ABCC12: variants seen among roughly 807,000 people sequenced by gnomAD.
ABCC12 encodes the protein ATP binding cassette subfamily C member 12, also known as ATP-binding cassette sub-family C member 12.
A neutral mutation model predicts 151.1 loss-of-function variants in ABCC12; 142 were observed. The ratio of observed to expected loss-of-function variants is 0.94; its 90% CI spans 0.82 to 1.08. The LOEUF (loss-of-function observed/expected upper bound fraction) is 1.08, where lower values mean the gene tolerates loss of function less well. Among genes scored for constraint, ABCC12 ranks in the 50% least tolerant of loss-of-function variants. ABCC12 has a pLI of 0.00. For missense variants in ABCC12, 1,638 were observed against 1,691.1 expected, an observed-to-expected ratio of 0.97 and a Z score of 0.55; for synonymous variants, 645 against 646.4, an observed-to-expected ratio of 1.00 and a Z score of 0.03.
chr16:48,098,957 G>A (rs1342166569), intron 23 of ABCC12, among the ~76,000 whole-genome samples: 1 of 152,198 alleles, frequency 6.6e-6, no homozygotes, highest in Non-Finnish European at 1.5e-5. Flanking sequence ...GACTTTGGAA[G>A]TGTCTATGTG....
intron 6 of ABCC12, among the ~76,000 whole-genome samples, chr16:48,140,453 C>T (rs75119838): frequency 0.018 from 2,762 of 152,212 alleles, 79 homozygotes; most frequent in African/African-American, 0.063. Flanking sequence ...GCCCTGTTCC[C>T]GCTGGAACTA....
intron 9 of ABCC12, among the ~76,000 whole-genome samples, chr16:48,132,187 A>C (rs1344921484): frequency 6.6e-6 from 1 of 152,244 alleles, no homozygotes; most frequent in African/African-American, 2.4e-5. Context: ...CTGGGATCAC[A>C]GAGAGCCACA....
At chr16:48,101,592 G>C (rs1160516937) in intron 22 of ABCC12, among the ~76,000 whole-genome samples, 1 of 152,040 alleles carries the variant, frequency 6.6e-6, no homozygotes, top group Non-Finnish European at 1.5e-5. Context: ...GCCCCCGAGA[G>C]AGAAGACAAT....
chr16:48,130,904 C>A lies in ABCC12; in HGVS notation c.1129-9G>T. The A allele has an allele frequency of 1.3e-6, 2 of 1,593,056 alleles. No individual in the cohort carries two copies. The highest frequency in any genetic ancestry group is 1.7e-6 in the Non-Finnish European group (2 of 1,162,148). On this transcript the variant is annotated splice_polypyrimidine_tract_variant and intron_variant, in intron 9 of 30. Coordinates refer to ENST00000311303, the MANE Select transcript of ABCC12 (RefSeq NM_001393797.1). ...GCAATCACACTAAATGCCTGAAGAA[C>A]AAAAGAGAAGTATGAGGGTTTAGAA...
At chr16:48,114,488 G>A (rs1316349793) in intron 15 of ABCC12, among the ~76,000 whole-genome samples, 1 of 152,132 alleles carries the variant, frequency 6.6e-6, no homozygotes, top group East Asian at 1.9e-4. Context: ...TATGTAACAT[G>A]TTCTCTGCAG....
At chr16:48,086,529 T>A in intron 28 of ABCC12, 1 of 538,232 alleles carries the variant, frequency 1.9e-6, no homozygotes, top group Non-Finnish European at 3.4e-6. Context: ...AGATGATACA[T>A]GTAGTGCTCT....
At chr16:48,124,542 C>T (rs975508918) in intron 11 of ABCC12, among the ~76,000 whole-genome samples, 2 of 152,214 alleles carry the variant, frequency 1.3e-5, no homozygotes, top group East Asian at 1.9e-4. Context: ...CTAGAAATCA[C>T]GTAAGATCAC....
intron 4 of ABCC12, 35 bp from the exon 5 acceptor site, chr16:48,141,388 GCA>G (rs1411471606): frequency 6.2e-7 from 1 of 1,612,190 alleles, no homozygotes; most frequent in Non-Finnish European, 8.5e-7. Flanking sequence ...AAATGGATTG[GCA>G]CTTCTATGTG....
chr16:48,139,047 G>T, intron 7 of ABCC12, 116 bp downstream of exon 7: 1 of 1,184,098 alleles, frequency 8.4e-7, no homozygotes, highest in Admixed American at 2.5e-5. Flanking sequence ...GTAAATCTGT[G>T]AGTACAAAAT....
chr16:48,146,578 G>A, intron 2 of ABCC12, 104 bp from the exon 3 acceptor site: 1 of 633,152 alleles, frequency 1.6e-6, no homozygotes, highest in East Asian at 2.7e-5. Flanking sequence ...TGACCCCTGA[G>A]AACTGTTTTC....
At chr16:48,150,929 TCTAAAAC>T (rs1965108376) in intron 2 of ABCC12, among the ~76,000 whole-genome samples, 1 of 152,182 alleles carries the variant, frequency 6.6e-6, no homozygotes, top group Non-Finnish European at 1.5e-5. Context: ...AAGCTCCAAT[TCTAAAAC>T]TGAGAAGCCT....
chr16:48,104,126 T>C lies in ABCC12; in HGVS notation c.2900+16A>G. The C allele has an allele frequency of 6.2e-7, 1 of 1,610,882 alleles. No homozygotes were observed. Among genetic ancestry groups the C allele is most frequent in the Non-Finnish European group, 8.5e-7 (1 of 1,178,482 alleles). On this transcript the variant is annotated intron_variant, in intron 22 of 30. Coordinates refer to ENST00000311303, the MANE Select transcript of ABCC12 (RefSeq NM_001393797.1). ...TGTGTGTATCGTTTTCTCGTGTAAATAGCACATGGGCCTACCGTAACAGAA... is the reference window on the plus strand; with the variant it reads ...TGTGTGTATCGTTTTCTCGTGTAAACAGCACATGGGCCTACCGTAACAGAA...
intron 2 of ABCC12, among the ~76,000 whole-genome samples, chr16:48,147,610 GC>G (rs1171670407): frequency 6.6e-6 from 1 of 152,110 alleles, no homozygotes; most frequent in African/African-American, 2.4e-5. Flanking sequence ...GGAAACAAAG[GC>G]CCAGAGAGAG....
intron 2 of ABCC12, among the ~76,000 whole-genome samples, chr16:48,147,410 A>C (rs1417379829): frequency 1.3e-5 from 2 of 152,152 alleles, no homozygotes; most frequent in Non-Finnish European, 2.9e-5. Flanking sequence ...TGCCACTTGC[A>C]AACAAAGGCC....
chr16:48,108,325 GCCCT>G lies in ABCC12; in HGVS notation c.2371+111_2371+114del, dbSNP rs1963568358. 1.0e-5 allele frequency: 9 copies of G among 898,090 alleles called. No homozygotes were observed. In the South Asian group the frequency reaches 1.6e-4, roughly 16 times the overall value. 55.6% of individuals were successfully genotyped at this position (898,090 alleles called of 1,614,324 possible). Reference sequence around the variant, plus strand: ...GAAAAAATAAAAGCATTGATAAATGGCCCTAGCATAAACAGAATAATTGTTAAAG... The same window carrying G: ...GAAAAAATAAAAGCATTGATAAATGGAGCATAAACAGAATAATTGTTAAAG... On this transcript the variant is annotated intron_variant, in intron 19 of 30. Coordinates refer to ENST00000311303, the MANE Select transcript of ABCC12 (RefSeq NM_001393797.1).
chr16:48,147,779 G>A (rs934868678), intron 2 of ABCC12, among the ~76,000 whole-genome samples: 2 of 152,088 alleles, frequency 1.3e-5, no homozygotes, highest in South Asian at 2.1e-4. Flanking sequence ...AATAATATAC[G>A]TACTTTTTAC....
intron 20 of ABCC12, among the ~76,000 whole-genome samples, chr16:48,106,156 A>C (rs546412728): frequency 2.0e-5 from 3 of 152,344 alleles, no homozygotes; most frequent in Admixed American, 6.5e-5. Context: ...TCATAGCGGA[A>C]ATGTAAATCA....
chr16:48,090,713 G>GT (rs1234082297), intron 25 of ABCC12, among the ~76,000 whole-genome samples: 3 of 152,036 alleles, frequency 2.0e-5, no homozygotes, highest in African/African-American at 7.2e-5. Context: ...CCGATTTGGG[G>GT]TTTTTTGTCG....
At chr16:48,144,176 G>T in intron 3 of ABCC12, 111 bp from the exon 4 acceptor site, 1 of 1,318,744 alleles carries the variant, frequency 7.6e-7, no homozygotes, top group Non-Finnish European at 1.0e-6. Context: ...CTCAGAATCT[G>T]TGACTTGCAT....
Sources: allele counts gnomAD v4.1 joint callset (sites outside exome capture counted in the v4.1 genomes callset), GRCh38; gene constraint gnomAD v4.1.1; transcripts MANE v1.5; gene names NCBI Gene and HGNC (gene_info 2026-07-23, HGNC 2026-07-21).